The following ZNF475 variants were observed in gnomAD, a reference collection of about 807,000 sequenced individuals.
ZNF475 encodes zinc finger protein 475.
the ZNF475 span, chr5:122,160,391 A>G: frequency 3.3e-6 from 2 of 602,356 alleles, no homozygotes; most frequent in Non-Finnish European, 5.4e-6. Context: ...TTAGAGCAAC[A>G]GCCTCATGAG....
the ZNF475 span, chr5:122,180,211 A>T: frequency 5.2e-5 from 8 of 152,530 alleles, no homozygotes; most frequent in African/African-American, 1.9e-4. Context: ...AACATTGAGT[A>T]AACTGGTCCA....
chr5:122,172,683 T>C, the ZNF475 span, among the ~76,000 whole-genome samples: 1 of 152,218 alleles, frequency 6.6e-6, no homozygotes, highest in South Asian at 2.1e-4. Flanking sequence ...ATCACAGAAC[T>C]ATACTTTCAC....
the ZNF475 span, chr5:122,182,473 T>C: frequency 6.9e-7 from 1 of 1,451,356 alleles, no homozygotes. Context: ...TTTTTGCTTT[T>C]TTCCTTTAAC....
At chr5:122,166,412 T>C in the ZNF475 span, among the ~76,000 whole-genome samples, 1 of 152,156 alleles carries the variant, frequency 6.6e-6, no homozygotes, top group East Asian at 1.9e-4. Context: ...TTGTTACATA[T>C]GTATATATGT....
At chr5:122,167,629 G>A in the ZNF475 span, among the ~76,000 whole-genome samples, 1 of 152,136 alleles carries the variant, frequency 6.6e-6, no homozygotes, top group African/African-American at 2.4e-5. Flanking sequence ...AACTGTATCT[G>A]CACTAGTGTT....
chr5:122,177,674 T>A, the ZNF475 span, among the ~76,000 whole-genome samples: 4 of 152,162 alleles, frequency 2.6e-5, no homozygotes, highest in Non-Finnish European at 5.9e-5. Flanking sequence ...ATGTTGATTT[T>A]CCAGCTAACT....
At chr5:122,162,697 A>G in the ZNF475 span, among the ~76,000 whole-genome samples, 2 of 151,980 alleles carry the variant, frequency 1.3e-5, no homozygotes, top group African/African-American at 4.8e-5. Flanking sequence ...CAACCTCCCT[A>G]CCTCTGCACC....
At chr5:122,163,824 G>A in the ZNF475 span, among the ~76,000 whole-genome samples, 1 of 152,210 alleles carries the variant, frequency 6.6e-6, no homozygotes, top group Admixed American at 6.5e-5. Context: ...TCGGTCTCAT[G>A]CCTTAAAGTA....
the ZNF475 span, chr5:122,182,588 G>A: frequency 6.5e-7 from 1 of 1,535,508 alleles, no homozygotes; most frequent in Non-Finnish European, 8.7e-7. Flanking sequence ...GTACCTTCCT[G>A]CCAGACAGAC....
At chr5:122,160,211 G>A in the ZNF475 span, 1 of 1,289,684 alleles carries the variant, frequency 7.8e-7, no homozygotes, top group Non-Finnish European at 1.0e-6. Flanking sequence ...TGCATATCAG[G>A]GCAGCATTCT....
the ZNF475 span, among the ~76,000 whole-genome samples, chr5:122,179,300 G>A: frequency 1.3e-5 from 2 of 152,234 alleles, no homozygotes; most frequent in South Asian, 4.1e-4. Flanking sequence ...AGCTTGATGG[G>A]GATAGCATTG....
At chr5:122,178,059 G>A in the ZNF475 span, among the ~76,000 whole-genome samples, 432 of 152,168 alleles carry the variant, frequency 2.8e-3, 4 homozygotes, top group African/African-American at 9.9e-3. Context: ...CCATGTCCCT[G>A]CAAAGGACAT....
the ZNF475 span, among the ~76,000 whole-genome samples, chr5:122,177,651 A>AT: frequency 1.3e-5 from 2 of 152,026 alleles, no homozygotes; most frequent in African/African-American, 4.8e-5. Context: ...GCTAGTGGGG[A>AT]TTTTTTTAAA....
chr5:122,168,547 C>T, the ZNF475 span, among the ~76,000 whole-genome samples: 1 of 152,134 alleles, frequency 6.6e-6, no homozygotes, highest in Non-Finnish European at 1.5e-5. Flanking sequence ...CCCGTCTCTA[C>T]TAAAAATACA....
chr5:122,160,794 T>G, the ZNF475 span, among the ~76,000 whole-genome samples: 1 of 152,174 alleles, frequency 6.6e-6, no homozygotes, highest in African/African-American at 2.4e-5. Context: ...AAAGCCTTTT[T>G]CCCCCATCAC....
At chr5:122,181,737 T>A in the ZNF475 span, among the ~76,000 whole-genome samples, 19 of 152,360 alleles carry the variant, frequency 1.2e-4, no homozygotes, top group African/African-American at 4.6e-4. Flanking sequence ...CAATTTAATG[T>A]ACTGAAATCA....
chr5:122,165,071 C>T, the ZNF475 span, among the ~76,000 whole-genome samples: 1 of 152,218 alleles, frequency 6.6e-6, no homozygotes, highest in Non-Finnish European at 1.5e-5. Context: ...AGCACAGTCC[C>T]TGGCACATTG....
At chr5:122,176,147 C>T in the ZNF475 span, among the ~76,000 whole-genome samples, 7 of 152,112 alleles carry the variant, frequency 4.6e-5, no homozygotes, top group African/African-American at 1.7e-4. Context: ...TCTGCATGCC[C>T]TGTTTCTTTA....
chr5:122,179,438 T>C, the ZNF475 span: 2 of 481,734 alleles, frequency 4.2e-6, no homozygotes, highest in Non-Finnish European at 7.3e-6. Context: ...TTTATAGCTC[T>C]CCTTGAAGAA....
Sources: gnomAD v4.1 joint callset for allele counts (sites outside exome capture counted in the v4.1 genomes callset) on GRCh38, gnomAD v4.1.1 for gene constraint, MANE v1.5 for transcripts, NCBI Gene and HGNC (gene_info 2026-07-23, HGNC 2026-07-21) for gene names.